The following PVALB variants were observed in gnomAD, a reference collection of about 807,000 sequenced individuals.
PVALB encodes parvalbumin alpha.
Under a neutral mutation model 10.9 loss-of-function variants are expected in PVALB, and 11 were observed. The ratio of observed to expected loss-of-function variants is 1.01; its 90% CI spans 0.63 to 1.67. The LOEUF (loss-of-function observed/expected upper bound fraction) is 1.67, where lower values mean the gene tolerates loss of function less well. Among genes scored for constraint, PVALB ranks in the 40% most tolerant of loss-of-function variants. The pLI is 0.00. For synonymous variants in PVALB, 57 were observed against 50.7 expected (o/e 1.12, Z -0.53); for missense variants, 131 against 136.2 (o/e 0.96, Z 0.19).
intron 3 of PVALB, among the ~76,000 whole-genome samples, chr22:36,811,306 A>AATAAATAC (rs1412365552): frequency 1.4e-5 from 2 of 145,526 alleles, no homozygotes; most frequent in Non-Finnish European, 3.1e-5. Flanking sequence ...TAAATAAATA[A>AATAAATAC]ATAAGGCATT....
In PVALB at chr22:36,816,972, T is replaced by C; in HGVS notation, c.34A>G (p.Ile12Val). The C allele has an allele frequency of 6.2e-7, 1 of 1,610,028 alleles. No individual in the cohort carries two copies. Among genetic ancestry groups the C allele is most frequent in the Non-Finnish European group, 8.5e-7 (1 of 1,178,910 alleles). ...CTAAAGGCTCCCACCGCCTTCTTGA[T>C]GTCCTCAGCGTTCAGCAAGTCTGTC... ...SMTDLLNAED[I>V]KKAVGAFSAT... Residue 12 changes from isoleucine to valine, a missense_variant, in exon 1 of 4, where the codon ATC (isoleucine) becomes GTC (valine). Transcript: ENST00000417718.
chr22:36,804,189 A>T (rs1938916010), intron 3 of PVALB, among the ~76,000 whole-genome samples: 1 of 152,170 alleles, frequency 6.6e-6, no homozygotes, highest in African/African-American at 2.4e-5. Context: ...ATGGGCTCTC[A>T]GGCTGCTCAT....
chr22:36,813,629 A>G lies in PVALB; in HGVS notation c.304+17T>C, dbSNP rs1465536849. ...AAGATCCACAATATGCCCAGACCCCAGGTCACGGCTACCCACCGTCAACCC... is the reference window on the plus strand; with the variant it reads ...AAGATCCACAATATGCCCAGACCCCGGGTCACGGCTACCCACCGTCAACCC... On this transcript the variant is annotated intron_variant, in intron 3 of 3. Transcript: ENST00000417718. 5 of 1,582,074 alleles carry G rather than the reference A, an allele frequency of 3.2e-6. 1 individual carries two copies. The South Asian group carries it at 5.5e-5, about 17-fold the overall frequency.
intron 2 of PVALB, among the ~76,000 whole-genome samples, chr22:36,814,010 G>A (rs1035266647): frequency 3.9e-5 from 6 of 152,184 alleles, no homozygotes; most frequent in Admixed American, 1.3e-4. Context: ...ACCTACATTC[G>A]TTAATTTATC....
intron 3 of PVALB, among the ~76,000 whole-genome samples, chr22:36,805,933 T>C (rs77059308): frequency 0.031 from 4,724 of 152,246 alleles, 111 homozygotes; most frequent in South Asian, 0.052. Flanking sequence ...GACCCATCTA[T>C]CCCATCAGAG....
chr22:36,817,602 GGTGGCA>G (rs893052882), upstream of PVALB: 1 of 154,932 alleles, frequency 6.5e-6, no homozygotes, highest in Non-Finnish European at 1.4e-5. Context: ...GCAGGGAGGA[GGTGGCA>G]GGGACAGGGA....
chr22:36,813,669 C>T lies in PVALB; in HGVS notation c.281G>A (p.Gly94Glu). ...ACCGTCAACCCCAATTTTGCCGTCCCCATCTTTGTCTCCAGCAGCCATCAG... is the reference window on the plus strand; with the variant it reads ...ACCGTCAACCCCAATTTTGCCGTCCTCATCTTTGTCTCCAGCAGCCATCAG... ...KMLMAAGDKD[G>E]DGKIGVDEFS... Residue 94 changes from glycine to glutamate, a missense_variant, in exon 3 of 4, where the codon GGG becomes GAG. Gly to Glu is a moderately conservative substitution (Grantham distance 98). Transcript: ENST00000417718. 6.2e-7 allele frequency: 1 copy of T among 1,614,070 alleles called. No homozygotes were observed. The highest frequency in any genetic ancestry group is 8.5e-7 in the Non-Finnish European group (1 of 1,179,968).
intron 3 of PVALB, among the ~76,000 whole-genome samples, chr22:36,806,647 A>G (rs1243714760): frequency 1.3e-5 from 2 of 152,006 alleles, no homozygotes; most frequent in African/African-American, 4.8e-5. Flanking sequence ...TCAAACAGGG[A>G]TCACCTTCCC....
intron 3 of PVALB, among the ~76,000 whole-genome samples, chr22:36,801,226 A>T (rs1205906760): frequency 6.6e-6 from 1 of 152,238 alleles, no homozygotes; most frequent in Non-Finnish European, 1.5e-5. Context: ...CTGAATGCTT[A>T]TCATATGCCA....
intron 3 of PVALB, among the ~76,000 whole-genome samples, chr22:36,810,751 C>G (rs529903959): frequency 6.6e-6 from 1 of 152,342 alleles, no homozygotes; most frequent in South Asian, 2.1e-4. Flanking sequence ...ATTCTTTCCT[C>G]CCATTCTTGG....
chr22:36,814,429 T>G (rs1939102601), intron 2 of PVALB, among the ~76,000 whole-genome samples: 1 of 152,056 alleles, frequency 6.6e-6, no homozygotes, highest in Non-Finnish European at 1.5e-5. Context: ...TTGAAAGGCC[T>G]CTCCCTACAC....
At chr22:36,818,626 G>GA (rs1360808695), upstream of PVALB, 7 of 152,568 alleles carry the variant, frequency 4.6e-5, no homozygotes, top group Non-Finnish European at 1.5e-5. Context: ...TGCTGACTCA[G>GA]ATATGCCAGG....
At chr22:36,817,848 G>A (rs907796757), upstream of PVALB, among the ~76,000 whole-genome samples, 19 of 151,986 alleles carry the variant, frequency 1.3e-4, no homozygotes, top group African/African-American at 4.6e-4. Flanking sequence ...AACCTTTTTT[G>A]GGCAGAGTAG....
At chr22:36,817,274 G>A (rs1441738370), upstream of PVALB, 4 of 310,344 alleles carry the variant, frequency 1.3e-5, no homozygotes, top group Non-Finnish European at 2.3e-5. Context: ...GATCCCAGGG[G>A]CTGCGGCCAG....
chr22:36,802,313 T>C (rs1029372900), intron 3 of PVALB, among the ~76,000 whole-genome samples: 7 of 152,036 alleles, frequency 4.6e-5, no homozygotes, highest in Non-Finnish European at 1.0e-4. Flanking sequence ...AGAAATAACC[T>C]GGCACTGGGC....
At chr22:36,802,623 A>AAAAAAAAAAAG (rs1555910493) in intron 3 of PVALB, among the ~76,000 whole-genome samples, 5 of 119,122 alleles carry the variant, frequency 4.2e-5, no homozygotes, top group South Asian at 2.6e-4. Context: ...AAAAAAAAAA[A>AAAAAAAAAAAG]AAAGAAAGAA....
rs112536329 is a variant in PVALB, at chr22:36,813,890, A to G, written c.195-135T>C. ...CAGGCAGCGAGCAGCAGTCACGCAC[A>G]CGGATGCTCTGGGCCAGGTAGCCTG... On this transcript the variant is annotated intron_variant, in intron 2 of 3. Transcript: ENST00000417718. The G allele has an allele frequency of 3.9e-5, 28 of 713,986 alleles. 1 individual carries two copies. The highest frequency in any genetic ancestry group is 2.6e-4 in the African/African-American group (15 of 57,648). 44.2% of individuals were successfully genotyped at this position (713,986 alleles called of 1,614,324 possible).
intron 2 of PVALB, among the ~76,000 whole-genome samples, chr22:36,814,449 G>A (rs12168594): frequency 6.6e-5 from 10 of 152,218 alleles, no homozygotes; most frequent in African/African-American, 1.7e-4. Context: ...CCCACCCCCC[G>A]CTTCTCTTTT....
intron 3 of PVALB, 105 bp from the exon 4 acceptor site, chr22:36,801,023 C>T (rs1205373079): frequency 9.0e-7 from 1 of 1,110,052 alleles, no homozygotes; most frequent in East Asian, 2.4e-5. Context: ...TGGGTTCTTG[C>T]TTCTGCTGCA....
Sources: allele counts gnomAD v4.1 joint callset (sites outside exome capture counted in the v4.1 genomes callset), GRCh38; gene constraint gnomAD v4.1.1; transcripts MANE v1.5; gene names NCBI Gene and HGNC (gene_info 2026-07-23, HGNC 2026-07-21).